The following ABCA12 variants were observed in gnomAD, a reference collection of about 807,000 sequenced individuals.
ABCA12 encodes ATP binding cassette subfamily A member 12.
ABCA12 carries 156 observed loss-of-function variants against 293.5 expected under a neutral mutation model. That is an observed-to-expected ratio of 0.53 (90% confidence interval 0.47 to 0.61). ABCA12 has a LOEUF of 0.61. Ranked by LOEUF, ABCA12 falls within the 20% of genes least tolerant of loss-of-function variation. The pLI is 0.00. For missense variants in ABCA12, 2,797 were observed against 3,090.2 expected (o/e 0.91, Z 2.25); for synonymous variants, 1,063 against 1,108.0 (o/e 0.96, Z 0.81).
chr2:215,094,082 A>T (rs570536565), intron 2 of ABCA12, among the ~76,000 whole-genome samples: 30 of 152,256 alleles, frequency 2.0e-4, no homozygotes, highest in African/African-American at 7.2e-4. Flanking sequence ...CATTGTGTTA[A>T]CTCAGGCCCT....
intron 47 of ABCA12, 71 bp from the exon 48 acceptor site, chr2:214,947,627 A>G (rs1698624322): frequency 3.9e-6 from 6 of 1,549,800 alleles, no homozygotes; most frequent in Non-Finnish European, 5.3e-6. Flanking sequence ...AATGGAAAAA[A>G]AAAAGATGCT....
chr2:215,088,542 A>G (rs1449592067), intron 2 of ABCA12, among the ~76,000 whole-genome samples: 2 of 152,194 alleles, frequency 1.3e-5, no homozygotes, highest in Non-Finnish European at 2.9e-5. Flanking sequence ...AGGTATTGCA[A>G]TTGGGTTAGT....
At chr2:214,990,261 G>C (rs535679634) in intron 24 of ABCA12, among the ~76,000 whole-genome samples, 49 of 152,260 alleles carry the variant, frequency 3.2e-4, no homozygotes, top group African/African-American at 1.2e-3. Context: ...CAAGGCAGGA[G>C]AGAATTTAAG....
intron 2 of ABCA12, among the ~76,000 whole-genome samples, chr2:215,099,852 A>G (rs369986310): frequency 8.5e-5 from 13 of 152,198 alleles, no homozygotes; most frequent in African/African-American, 2.9e-4. Flanking sequence ...ATTAGGGTGG[A>G]AAACTTAACA....
chr2:214,961,456 T>C (rs1699110998), intron 39 of ABCA12, among the ~76,000 whole-genome samples: 1 of 152,112 alleles, frequency 6.6e-6, no homozygotes, highest in African/African-American at 2.4e-5. Flanking sequence ...CAGATTGCCT[T>C]AGTCTAAATA....
In ABCA12 at chr2:214,975,929, C is replaced by G. The variant is rs780541179; in HGVS notation, c.5237G>C (p.Gly1746Ala). 6.2e-7 allele frequency: 1 copy of G among 1,613,946 alleles called. No individual in the cohort carries two copies. The highest frequency in any genetic ancestry group is 8.5e-7 in the Non-Finnish European group (1 of 1,179,998). The change falls in exon 34 of 53, where the codon GGT becomes GCT. Residue 1746 changes from glycine (G) to alanine (A), a missense_variant. By Grantham distance (60) the Gly-to-Ala change is moderately conservative (BLOSUM62 0). Around this residue, in one of 3 missense-constraint regions of ABCA12, gnomAD observed 2,130 missense variants for 2,427.0 expected, o/e 0.88. Transcript: ENST00000272895. The stretch of plus-strand genomic sequence containing the variant: ...GGGGAGGATAACCTGAGCAATGAGA[C>G]CTTTCCAGTTCCTGCGGGTGTGGTG... ...RFHHTRRNWK[G>A]LIAQVILPIV...
At chr2:215,009,120 T>A (rs565869221) in intron 18 of ABCA12, among the ~76,000 whole-genome samples, 1 of 152,268 alleles carries the variant, frequency 6.6e-6, no homozygotes, top group East Asian at 1.9e-4. Flanking sequence ...GTGGTACATG[T>A]GCACCATGGG....
intron 44 of ABCA12, among the ~76,000 whole-genome samples, chr2:214,951,529 G>A (rs1437750840): frequency 2.6e-5 from 4 of 152,150 alleles, no homozygotes; most frequent in African/African-American, 7.2e-5. Context: ...TTGAGAGGCC[G>A]ACGGATCACC....
chr2:214,945,052 A>G lies in ABCA12; in HGVS notation c.7292T>C (p.Ile2431Thr), dbSNP rs1698538362. 1.9e-6 allele frequency: 3 copies of G among 1,613,786 alleles called. No homozygotes were observed. The highest frequency in any genetic ancestry group is 1.7e-6 in the Non-Finnish European group (2 of 1,179,896). Residue 2431 changes from isoleucine (I) to threonine (T), a missense_variant, in exon 49 of 53, where the codon ATC (isoleucine) becomes ACC (threonine). Around this residue, in one of 3 missense-constraint regions of ABCA12, gnomAD observed 2,130 missense variants for 2,427.0 expected, o/e 0.88. Coordinates refer to ENST00000272895, the MANE Select transcript of ABCA12 (RefSeq NM_173076.3). ...DPKSKRHLWKIISEEVQNKCS... is the reference protein window; with the variant it reads ...DPKSKRHLWKTISEEVQNKCS... ...TTTGTTCTGTACTTCTTCTGAAATG[A>G]TCTTCCAGAGGTGCCGTTTCGACTT...
Position 215,013,423 on chromosome 2 carries a change from T to C in ABCA12, c.1957-1288A>G, listed in dbSNP as rs978673894. 2 of 152,210 alleles carry C rather than the reference T, an allele frequency of 1.3e-5. 1 individual carries two copies. Among genetic ancestry groups the C allele is most frequent in the Non-Finnish European group, 2.9e-5 (2 of 68,070 alleles). 9.4% of individuals were successfully genotyped at this position (152,210 alleles called of 1,614,324 possible). The stretch of plus-strand genomic sequence containing the variant: ...TGAGCACAAGATTCAGTTAGAGAGG[T>C]AGCTTTGTGTTCATATCTCCCACAC... On this transcript the variant is annotated intron_variant, in intron 15 of 52. Coordinates refer to ENST00000272895, the MANE Select transcript of ABCA12 (RefSeq NM_173076.3).
At chr2:215,064,650 T>C (rs769377530) in intron 2 of ABCA12, among the ~76,000 whole-genome samples, 25 of 149,612 alleles carry the variant, frequency 1.7e-4, no homozygotes, top group Admixed American at 4.7e-4. Context: ...AAAGAACAGA[T>C]CAGAAAACAG....
chr2:215,004,220 A>G lies in ABCA12; in HGVS notation c.2672T>C (p.Ile891Thr), dbSNP rs747711303. The G allele has an allele frequency of 3.8e-5, 61 of 1,613,766 alleles. 3 individuals carry two copies. The South Asian group carries it at 5.3e-4, about 14-fold the overall frequency. The change falls in exon 20 of 53, where the codon ATA becomes ACA. Residue 891 changes from isoleucine (I) to threonine (T), a missense_variant. Around this residue, in one of 3 missense-constraint regions of ABCA12, gnomAD observed 2,130 missense variants for 2,427.0 expected, o/e 0.88. Transcript: ENST00000272895. ...GAATTTGGACTCACCGAGTTCATCT[A>G]TCTGTTTCAATAGTTCAACAGCATC... ...GLDAVELLKQIDELDILRLKL... is the reference protein window; with the variant it reads ...GLDAVELLKQTDELDILRLKL...
intron 1 of ABCA12, among the ~76,000 whole-genome samples, chr2:215,113,607 G>T (rs1702622573): frequency 6.6e-6 from 1 of 152,184 alleles, no homozygotes; most frequent in African/African-American, 2.4e-5. Flanking sequence ...TATCTAACAG[G>T]AGTGTTTACA....
At chr2:215,123,576 T>C (rs572119817) in intron 1 of ABCA12, among the ~76,000 whole-genome samples, 1 of 152,318 alleles carries the variant, frequency 6.6e-6, no homozygotes, top group African/African-American at 2.4e-5. Context: ...GCATGTGTCC[T>C]TTGGGTGGAT....
chr2:214,965,092 T>C (rs1399538235), intron 39 of ABCA12, among the ~76,000 whole-genome samples: 1 of 152,082 alleles, frequency 6.6e-6, no homozygotes, highest in Non-Finnish European at 1.5e-5. Flanking sequence ...GACCATCTGA[T>C]CTCTGACAAA....
chr2:215,002,770 TA>T (rs1700171550), intron 20 of ABCA12, among the ~76,000 whole-genome samples: 1 of 152,312 alleles, frequency 6.6e-6, no homozygotes. Context: ...GACAGGATCA[TA>T]AAAACACTTC....
intron 3 of ABCA12, among the ~76,000 whole-genome samples, chr2:215,054,871 C>T (rs544300461): frequency 6.6e-6 from 1 of 151,886 alleles, no homozygotes; most frequent in Admixed American, 6.6e-5. Context: ...GAGAAAATGG[C>T]CTAGATGAAG....
At chr2:215,081,956 A>G (rs1290912288) in intron 2 of ABCA12, among the ~76,000 whole-genome samples, 1 of 152,064 alleles carries the variant, frequency 6.6e-6, no homozygotes, top group Non-Finnish European at 1.5e-5. Flanking sequence ...ATAGTGTTAC[A>G]CACACTGTAT....
At position 214,948,463 on chromosome 2, in the gene ABCA12, A is replaced by G. The variant is rs996836696; in HGVS notation, c.7104+133T>C. On this transcript the variant is annotated intron_variant, in intron 47 of 52. Coordinates refer to ENST00000272895, the MANE Select transcript of ABCA12 (RefSeq NM_173076.3). ...ACTGCCATTGCCACTGCCAGAAGGA[A>G]AATGACAATGTTTTCCAGGTGGTTT... The G allele has an allele frequency of 5.2e-6, 5 of 970,074 alleles. No homozygotes were observed. In the African/African-American group the frequency reaches 8.1e-5, roughly 16 times the overall value. The allele number at this position is 970,074 out of a possible 1,614,324, so 60.1% of individuals were successfully genotyped here. A position where few individuals can be genotyped will look rare whatever the true frequency, so the allele number is the denominator to read the frequency against.
Sources: gnomAD v4.1 joint callset for allele counts (sites outside exome capture counted in the v4.1 genomes callset) on GRCh38, gnomAD v4.1.1 for gene constraint, gnomAD v4.1.1 regional missense constraint, MANE v1.5 for transcripts, NCBI Gene and HGNC (gene_info 2026-07-23, HGNC 2026-07-21) for gene names.